MFAP3L: variants seen among roughly 807,000 people sequenced by gnomAD.
MFAP3L encodes the protein microfibrillar-associated protein 3-like.
In MFAP3L, 5 loss-of-function variants were observed where a neutral mutation model predicts 20.0. The ratio of observed to expected loss-of-function variants is 0.25; its 90% CI spans 0.13 to 0.53. MFAP3L has a LOEUF of 0.53. Among genes scored for constraint, MFAP3L ranks in the 20% least tolerant of loss-of-function variants. The pLI, the probability that MFAP3L is intolerant of heterozygous loss-of-function variation, is 0.96. For missense variants in MFAP3L, 409 were observed against 527.5 expected, an observed-to-expected ratio of 0.78 and a Z score of 2.20; for synonymous variants, 219 against 213.0, an observed-to-expected ratio of 1.03 and a Z score of -0.25.
intron 2 of MFAP3L, among the ~76,000 whole-genome samples, chr4:169,999,864 C>T (rs758453691): frequency 6.6e-6 from 1 of 152,200 alleles, no homozygotes; most frequent in Non-Finnish European, 1.5e-5. Context: ...CAGGGTTTCT[C>T]AACTCGGGTA....
intron 2 of MFAP3L, among the ~76,000 whole-genome samples, chr4:169,993,382 G>T (rs374949743): frequency 5.3e-5 from 8 of 152,182 alleles, no homozygotes; most frequent in African/African-American, 1.9e-4. Context: ...GCCGACTAGA[G>T]AAACCTCTCC....
At chr4:170,026,570 G>C (rs1015392906), upstream of MFAP3L, 1 of 151,824 alleles carries the variant, frequency 6.6e-6, no homozygotes, top group African/African-American at 2.4e-5. Flanking sequence ...GTGCTGCGGA[G>C]CGGCCCCGCG....
chr4:170,003,839 T>C, intron 2 of MFAP3L: 2 of 985,480 alleles, frequency 2.0e-6, no homozygotes, highest in Non-Finnish European at 1.2e-6. Flanking sequence ...CATTCACAAG[T>C]GTGACATCAC....
chr4:169,993,571 G>C (rs1009177392), intron 2 of MFAP3L: 1 of 152,144 alleles, frequency 6.6e-6, no homozygotes, highest in African/African-American at 2.4e-5. Context: ...TACGGAATAA[G>C]GCAACACAGG....
intron 1 of MFAP3L, among the ~76,000 whole-genome samples, chr4:170,025,664 A>T (rs1740305910): frequency 6.6e-6 from 1 of 152,130 alleles, no homozygotes; most frequent in Non-Finnish European, 1.5e-5. Context: ...TTCGATGTCA[A>T]CTTGTTATGG....
In MFAP3L at chr4:169,989,728, A is replaced by AC. The variant is rs1737526617; in HGVS notation, c.*1649dup. ...GATCCATGCAATCTTGGACATCATA[A>AC]CCCCATTACCTGATGTGGCCACGGC... On this transcript the variant is annotated 3_prime_UTR_variant, in exon 3 of 3. Transcript: ENST00000361618. 1 of 152,168 alleles carries AC rather than the reference A, an allele frequency of 6.6e-6. No homozygotes were observed. Among genetic ancestry groups the AC allele is most frequent in the African/African-American group, 2.4e-5 (1 of 41,440 alleles). The allele number at this position is 152,168 out of a possible 1,614,324, so 9.4% of individuals were successfully genotyped here.
At chr4:170,024,052 G>T (rs1196976529) in intron 1 of MFAP3L, among the ~76,000 whole-genome samples, 2 of 152,156 alleles carry the variant, frequency 1.3e-5, no homozygotes, top group Non-Finnish European at 2.9e-5. Context: ...TGAGCTGCAA[G>T]AACCCAATAG....
intron 1 of MFAP3L, among the ~76,000 whole-genome samples, chr4:170,010,951 C>A (rs1739342156): frequency 6.6e-6 from 1 of 152,162 alleles, no homozygotes; most frequent in Middle Eastern, 3.2e-3. Flanking sequence ...TTGTAATAAA[C>A]CCCATGTGTC....
chr4:169,999,695 A>T (rs1581472173), intron 2 of MFAP3L, among the ~76,000 whole-genome samples: 1 of 152,230 alleles, frequency 6.6e-6, no homozygotes, highest in Non-Finnish European at 1.5e-5. Flanking sequence ...TCCCAAGTGG[A>T]GCACAACTCA....
chr4:169,997,222 T>C (rs1224716666), intron 2 of MFAP3L, among the ~76,000 whole-genome samples: 1 of 152,182 alleles, frequency 6.6e-6, no homozygotes, highest in African/African-American at 2.4e-5. Context: ...ATTAGAAGTA[T>C]AAAATTAATG....
chr4:170,003,605 T>C (rs772729796), intron 2 of MFAP3L: 117 of 830,484 alleles, frequency 1.4e-4, no homozygotes, highest in Non-Finnish European at 1.6e-4. Context: ...ATTCCCACAG[T>C]TCTCTTCCTC....
intron 2 of MFAP3L, among the ~76,000 whole-genome samples, chr4:170,001,091 C>A (rs1317642842): frequency 6.6e-6 from 1 of 152,082 alleles, no homozygotes; most frequent in Non-Finnish European, 1.5e-5. Flanking sequence ...GGTTAATACA[C>A]CACTTCACAC....
chr4:170,010,153 A>G (rs1482145146), intron 1 of MFAP3L, among the ~76,000 whole-genome samples: 1 of 152,248 alleles, frequency 6.6e-6, no homozygotes, highest in Non-Finnish European at 1.5e-5. Flanking sequence ...TCATTAAGAC[A>G]TGAATACTAA....
chr4:170,001,799 A>G (rs987500569), intron 2 of MFAP3L, among the ~76,000 whole-genome samples: 2 of 152,204 alleles, frequency 1.3e-5, no homozygotes, highest in African/African-American at 4.8e-5. Context: ...TACAAAAACA[A>G]AAGTCTTCCA....
chr4:170,006,545 T>C (rs1560981228), intron 1 of MFAP3L: 1 of 152,220 alleles, frequency 6.6e-6, no homozygotes, highest in Admixed American at 6.5e-5. Flanking sequence ...ATTTCTTATA[T>C]TAAATTTATA....
rs1737598483 is a variant in MFAP3L, at chr4:169,990,723, G to C, written c.*655C>G. The C allele has an allele frequency of 6.6e-6, 1 of 152,310 alleles. No individual in the cohort carries two copies. The highest frequency in any genetic ancestry group is 2.4e-5 in the African/African-American group (1 of 41,362). 9.4% of individuals were successfully genotyped at this position (152,310 alleles called of 1,614,324 possible). ...AAGCTATCTATGGAAATAGGCCTGG[G>C]GAATGAAAAAAAAATAACAAGCCTC... On this transcript the variant is annotated 3_prime_UTR_variant, in exon 3 of 3. Transcript: ENST00000361618.
chr4:169,992,249 C>T lies in MFAP3L; in HGVS notation c.359G>A (p.Arg120Gln), dbSNP rs1737771073. Residue 120 changes from arginine (R) to glutamine (Q), a missense_variant, in exon 3 of 3, where the codon CGA (arginine) becomes CAA (glutamine). This residue lies in a region of MFAP3L where 127 missense variants were observed against 218.1 expected (regional missense o/e 0.58). Coordinates refer to ENST00000361618, the MANE Select transcript of MFAP3L (RefSeq NM_021647.8). The surrounding 1 kb of genome is among the most constrained non-coding windows in gnomAD (Gnocchi z 4.3). ...LNITKVSFSD[R>Q]GKYTCVASNI... ...AGAAGCCACACACGTGTATTTACCT[C>T]GGTCTGAGAAGGATACCTTGGTGAT... The T allele has an allele frequency of 2.5e-6, 4 of 1,614,032 alleles. No individual in the cohort carries two copies. The highest frequency in any genetic ancestry group is 3.4e-6 in the Non-Finnish European group (4 of 1,179,980).
At chr4:170,021,100 C>G (rs1051366365) in intron 1 of MFAP3L, among the ~76,000 whole-genome samples, 2 of 152,028 alleles carry the variant, frequency 1.3e-5, no homozygotes, top group Non-Finnish European at 2.9e-5. Flanking sequence ...CCAGGGAAAG[C>G]AGAGTACAAG....
At chr4:170,022,704 G>A (rs890018906) in intron 1 of MFAP3L, among the ~76,000 whole-genome samples, 6 of 152,180 alleles carry the variant, frequency 3.9e-5, no homozygotes, top group South Asian at 4.1e-4. Context: ...AGAAGTCAGC[G>A]TCAGAGTGAT....
Sources: allele counts gnomAD v4.1 joint callset (sites outside exome capture counted in the v4.1 genomes callset), GRCh38; gene constraint gnomAD v4.1.1; regional missense constraint gnomAD v4.1.1; non-coding constraint Gnocchi (gnomAD v3.1); transcripts MANE v1.5; gene names NCBI Gene and HGNC (gene_info 2026-07-23, HGNC 2026-07-21).